Variants in AGBL4 observed in about 807,000 individuals in gnomAD.
The protein encoded by AGBL4 is cytosolic carboxypeptidase 6.
In AGBL4, 58 loss-of-function variants were observed where a neutral mutation model predicts 66.4. The observed-to-expected ratio is 0.87, with a 90% CI of 0.71 to 1.09. AGBL4 has a LOEUF of 1.09. AGBL4 is among the 50% of genes least tolerant of loss of function. The pLI is 0.00. For synonymous variants in AGBL4, 234 were observed against 222.9 expected, an observed-to-expected ratio of 1.05 and a Z score of -0.44; for missense variants, 579 against 631.0, an observed-to-expected ratio of 0.92 and a Z score of 0.88.
At chr1:49,216,895 C>G (rs1421043119) in intron 4 of AGBL4, among the ~76,000 whole-genome samples, 1 of 152,118 alleles carries the variant, frequency 6.6e-6, no homozygotes, top group Non-Finnish European at 1.5e-5. Flanking sequence ...ATTTGGGACC[C>G]ACTTGCAATA....
intron 3 of AGBL4, among the ~76,000 whole-genome samples, chr1:49,456,423 C>T (rs868581722): frequency 2.0e-5 from 3 of 151,632 alleles, no homozygotes; most frequent in South Asian, 4.2e-4. Flanking sequence ...CTTTGAGAGC[C>T]TTTGTTTAAT....
chr1:49,323,314 G>A (rs1645163205), intron 3 of AGBL4, among the ~76,000 whole-genome samples: 1 of 151,970 alleles, frequency 6.6e-6, no homozygotes, highest in South Asian at 2.1e-4. Context: ...GGAGTCTCTT[G>A]CTCTGCCGCC....
intron 6 of AGBL4, among the ~76,000 whole-genome samples, chr1:48,866,541 A>T (rs1648107255): frequency 6.6e-6 from 1 of 152,256 alleles, no homozygotes; most frequent in Non-Finnish European, 1.5e-5. Flanking sequence ...CATAAGACAG[A>T]ACAGTACCTC....
chr1:49,918,506 G>A (rs1473489079), intron 1 of AGBL4, among the ~76,000 whole-genome samples: 2 of 152,014 alleles, frequency 1.3e-5, no homozygotes, highest in South Asian at 2.1e-4. Context: ...TAAATTCCTC[G>A]ACACATACAC....
chr1:49,221,093 G>A (rs1370801532), intron 4 of AGBL4, among the ~76,000 whole-genome samples: 2 of 152,098 alleles, frequency 1.3e-5, no homozygotes, highest in East Asian at 3.9e-4. Flanking sequence ...ACTTAGGGAA[G>A]TATCTAGAAA....
intron 4 of AGBL4, among the ~76,000 whole-genome samples, chr1:49,077,093 T>TGC (rs1043875717): frequency 1.7e-5 from 2 of 118,206 alleles, no homozygotes; most frequent in Admixed American, 8.9e-5. Context: ...AACTTCTGTG[T>TGC]GCGTGTGTGT....
intron 3 of AGBL4, among the ~76,000 whole-genome samples, chr1:49,415,127 C>T (rs564680762): frequency 8.9e-4 from 136 of 152,238 alleles, no homozygotes; most frequent in African/African-American, 3.2e-3. Flanking sequence ...CCTACTTCTT[C>T]GCTAGCCCAA....
intron 1 of AGBL4, among the ~76,000 whole-genome samples, chr1:49,866,806 T>G (rs1385309060): frequency 6.6e-6 from 1 of 152,078 alleles, no homozygotes; most frequent in Admixed American, 6.6e-5. Context: ...TTCTTTTTTT[T>G]TTTTCCTTGT....
chr1:49,827,511 G>A (rs1177664272), intron 2 of AGBL4, among the ~76,000 whole-genome samples: 3 of 152,122 alleles, frequency 2.0e-5, no homozygotes, highest in South Asian at 2.1e-4. Context: ...AGACACAATC[G>A]GATAGTTTAA....
chr1:49,673,479 G>A (rs1646519813), intron 3 of AGBL4, among the ~76,000 whole-genome samples: 1 of 152,086 alleles, frequency 6.6e-6, no homozygotes, highest in Non-Finnish European at 1.5e-5. Context: ...TAACTCAAAG[G>A]ACAAATGCAT....
intron 9 of AGBL4, among the ~76,000 whole-genome samples, chr1:48,606,212 T>TA (rs1645152002): frequency 6.6e-6 from 1 of 151,466 alleles, no homozygotes; most frequent in Non-Finnish European, 1.5e-5. Context: ...TTTCCTTCTC[T>TA]AAAAAATGGA....
At chr1:48,710,544 G>C (rs74076453) in intron 6 of AGBL4, among the ~76,000 whole-genome samples, 1 of 152,098 alleles carries the variant, frequency 6.6e-6, no homozygotes, top group Non-Finnish European at 1.5e-5. Context: ...TGAGCTAAGA[G>C]GCCAGGCTTT....
chr1:50,008,571 G>C (rs1422087739), intron 1 of AGBL4, among the ~76,000 whole-genome samples: 1 of 151,724 alleles, frequency 6.6e-6, no homozygotes, highest in South Asian at 2.1e-4. Context: ...AGTAGAAAAA[G>C]TTAACAACCT....
chr1:48,772,424 A>G (rs1010684081), intron 6 of AGBL4, among the ~76,000 whole-genome samples: 55 of 152,202 alleles, frequency 3.6e-4, no homozygotes, highest in African/African-American at 8.9e-4. Flanking sequence ...AGCTCCTTGC[A>G]GGCAGAGGCC....
intron 2 of AGBL4, among the ~76,000 whole-genome samples, chr1:49,769,351 G>A (rs1188747063): frequency 1.3e-5 from 2 of 151,980 alleles, no homozygotes; most frequent in African/African-American, 4.8e-5. Flanking sequence ...CCATGCTCAG[G>A]TATTGTAAGA....
chr1:49,063,658 T>C (rs1355012861), intron 4 of AGBL4, among the ~76,000 whole-genome samples: 35 of 152,212 alleles, frequency 2.3e-4, no homozygotes. Flanking sequence ...ACAAGTGATA[T>C]GAGGGGAAAA....
chr1:49,860,103 G>A (rs1646531547), intron 1 of AGBL4, among the ~76,000 whole-genome samples: 1 of 152,156 alleles, frequency 6.6e-6, no homozygotes, highest in African/African-American at 2.4e-5. Context: ...CTTGTGAATG[G>A]ATTGGAAGGC....
chr1:48,879,272 A>AGT (rs71672631), intron 5 of AGBL4, among the ~76,000 whole-genome samples: 3,972 of 148,040 alleles, frequency 0.027, 93 homozygotes, highest in African/African-American at 0.059. Context: ...GAGAGGGGTC[A>AGT]GTGTGTGTGT....
At chr1:49,192,032 A>G (rs1405228795) in intron 4 of AGBL4, among the ~76,000 whole-genome samples, 2 of 152,124 alleles carry the variant, frequency 1.3e-5, no homozygotes, top group Non-Finnish European at 2.9e-5. Flanking sequence ...GAAATCTCCA[A>G]ACCACTTTGC....
Sources: allele counts gnomAD v4.1 joint callset (sites outside exome capture counted in the v4.1 genomes callset), GRCh38; gene constraint gnomAD v4.1.1; transcripts MANE v1.5; gene names NCBI Gene and HGNC (gene_info 2026-07-23, HGNC 2026-07-21).